Variants in WLS observed in about 807,000 individuals in gnomAD.
The protein encoded by WLS is protein wntless homolog.
WLS carries 23 observed loss-of-function variants against 62.8 expected under a neutral mutation model. The ratio of observed to expected loss-of-function variants is 0.37; its 90% CI spans 0.26 to 0.52. The LOEUF (loss-of-function observed/expected upper bound fraction) is 0.52, where lower values mean the gene tolerates loss of function less well. Ranked by LOEUF, WLS falls within the 20% of genes least tolerant of loss-of-function variation. The pLI is 0.92. For missense variants in WLS, 615 were observed against 697.3 expected, an observed-to-expected ratio of 0.88 and a Z score of 1.33; for synonymous variants, 246 against 244.1, an observed-to-expected ratio of 1.01 and a Z score of -0.07.
At chr1:68,215,802 T>C (rs1649702922) in intron 1 of WLS, among the ~76,000 whole-genome samples, 1 of 152,188 alleles carries the variant, frequency 6.6e-6, no homozygotes, top group African/African-American at 2.4e-5. Flanking sequence ...AAAGGCACTA[T>C]ACAAAAGAAT....
chr1:68,127,881 TG>T (rs566552503), intron 11 of WLS, among the ~76,000 whole-genome samples: 380 of 152,274 alleles, frequency 2.5e-3, no homozygotes, highest in Non-Finnish European at 4.3e-3. Context: ...TCCCACCCAC[TG>T]GCCCAGCAGG....
chr1:68,202,890 G>A (rs1179732040), intron 1 of WLS: 2 of 151,928 alleles, frequency 1.3e-5, no homozygotes, highest in Non-Finnish European at 2.9e-5. Flanking sequence ...AACAAAAAAG[G>A]GGACACCTGG....
intron 1 of WLS, among the ~76,000 whole-genome samples, chr1:68,204,209 T>C (rs970187792): frequency 1.3e-5 from 2 of 152,162 alleles, no homozygotes; most frequent in African/African-American, 4.8e-5. Flanking sequence ...GATTGATTAT[T>C]CAAAGAAAAC....
chr1:68,129,857 GGTGAAAAAGA>G (rs1392826888), intron 11 of WLS, among the ~76,000 whole-genome samples: 1 of 152,106 alleles, frequency 6.6e-6, no homozygotes, highest in Non-Finnish European at 1.5e-5. Context: ...TGTGTCTTGG[GGTGAAAAAGA>G]GTGAGAAAGA....
chr1:68,182,351 T>C (rs1467896304), intron 2 of WLS, among the ~76,000 whole-genome samples: 3 of 152,222 alleles, frequency 2.0e-5, no homozygotes, highest in Non-Finnish European at 4.4e-5. Flanking sequence ...AAGGTTCCCA[T>C]GCTCCTGCCA....
chr1:68,144,789 T>C, intron 9 of WLS, 137 bp from the exon 10 acceptor site: 2 of 668,122 alleles, frequency 3.0e-6, no homozygotes, highest in South Asian at 3.9e-5. Context: ...TAGTTTCCCA[T>C]AGTAATATTT....
intron 1 of WLS, among the ~76,000 whole-genome samples, chr1:68,208,803 A>G (rs911290482): frequency 6.6e-6 from 1 of 152,204 alleles, no homozygotes; most frequent in Non-Finnish European, 1.5e-5. Flanking sequence ...GGGAACATTG[A>G]AAGGATTGAT....
At chr1:68,185,975 C>T (rs1364554337) in intron 2 of WLS, among the ~76,000 whole-genome samples, 3 of 152,194 alleles carry the variant, frequency 2.0e-5, no homozygotes, top group Non-Finnish European at 1.5e-5. Context: ...CTAATCATGC[C>T]TTGGTCTTTC....
chr1:68,155,290 G>C (rs761992760), intron 3 of WLS, 30 bp from the exon 4 acceptor site: 3 of 1,591,554 alleles, frequency 1.9e-6, no homozygotes, highest in Non-Finnish European at 2.6e-6. Context: ...TTTGAGGCAG[G>C]GTCACTATTT....
chr1:68,199,644 G>A (rs1648891421), intron 1 of WLS, among the ~76,000 whole-genome samples: 1 of 152,134 alleles, frequency 6.6e-6, no homozygotes, highest in African/African-American at 2.4e-5. Flanking sequence ...TCTAATCAGT[G>A]GTATAATTCT....
chr1:68,137,125 A>G (rs1240337015), intron 11 of WLS, among the ~76,000 whole-genome samples: 2 of 152,208 alleles, frequency 1.3e-5, no homozygotes, highest in Middle Eastern at 3.4e-3. Context: ...TAGTGAAGAA[A>G]CCCTGAGCAA....
chr1:68,102,265 T>C (rs1646089125), intron 11 of WLS, among the ~76,000 whole-genome samples: 1 of 152,148 alleles, frequency 6.6e-6, no homozygotes, highest in Admixed American at 6.5e-5. Context: ...TTTTACTTCT[T>C]CCCAAGGGAA....
rs759360066 is a variant in WLS at position 68,148,206 on chromosome 1, A to C, written c.1071-7T>G. On this transcript the variant is annotated splice_polypyrimidine_tract_variant and splice_region_variant and intron_variant, in intron 7 of 11. Transcript: ENST00000262348. ...ATTCGTGAGTTGTACCCCTCTACAA[A>C]GAAAATGAGATGGAAAGGCAAGACA... is the stretch of plus-strand genomic sequence containing the variant. The C allele has an allele frequency of 6.2e-7, 1 of 1,614,128 alleles. No homozygotes were observed. Among genetic ancestry groups the C allele is most frequent in the Non-Finnish European group, 8.5e-7 (1 of 1,179,934 alleles).
intron 7 of WLS, 51 bp from the exon 8 acceptor site, chr1:68,148,250 C>CG: frequency 6.3e-7 from 1 of 1,587,600 alleles, no homozygotes; most frequent in Non-Finnish European, 8.7e-7. Context: ...ACAAAGGCAA[C>CG]GGGAACTTTC....
intron 1 of WLS, among the ~76,000 whole-genome samples, chr1:68,216,403 G>T (rs1373235835): frequency 6.6e-6 from 1 of 152,166 alleles, no homozygotes; most frequent in Non-Finnish European, 1.5e-5. Context: ...CTTCAAGAAG[G>T]ATAAAAGCAC....
chr1:68,106,501 A>G (rs1055984044), intron 11 of WLS, among the ~76,000 whole-genome samples: 2 of 152,182 alleles, frequency 1.3e-5, no homozygotes, highest in Non-Finnish European at 2.9e-5. Flanking sequence ...AGCCCCACAG[A>G]GCAACAGCTG....
intron 2 of WLS, among the ~76,000 whole-genome samples, chr1:68,165,353 G>C (rs893224680): frequency 6.6e-6 from 1 of 152,092 alleles, no homozygotes; most frequent in Non-Finnish European, 1.5e-5. Flanking sequence ...TATAGGACAA[G>C]AAGACTCCCA....
intron 2 of WLS, among the ~76,000 whole-genome samples, chr1:68,163,916 G>T (rs1570929239): frequency 6.6e-6 from 1 of 152,252 alleles, no homozygotes; most frequent in South Asian, 2.1e-4. Flanking sequence ...AAACAGATAG[G>T]AATAACTGCC....
In WLS at chr1:68,126,307, T is replaced by A; in HGVS notation, c.1545A>T (p.Glu515Asp). 1 of 1,614,008 alleles carries A rather than the reference T, an allele frequency of 6.2e-7. No homozygotes were observed. ...NGDLGVHSGE[E>D]LQLTTTITHV... Reference sequence around the variant, plus strand: ...GGGTGATAGTGGTGGTGAGCTGGAGTTCTTCCCCACTATGGACACCCAGAT... The same window carrying A: ...GGGTGATAGTGGTGGTGAGCTGGAGATCTTCCCCACTATGGACACCCAGAT... Residue 515 changes from glutamate to aspartate, a missense_variant, in exon 12 of 12, where the codon GAA becomes GAT. Transcript: ENST00000262348.
Sources: gnomAD v4.1 joint callset for allele counts (sites outside exome capture counted in the v4.1 genomes callset) on GRCh38, gnomAD v4.1.1 for gene constraint, MANE v1.5 for transcripts, NCBI Gene and HGNC (gene_info 2026-07-23, HGNC 2026-07-21) for gene names.